PCDHGA2: variants seen among roughly 807,000 people sequenced by gnomAD.
The protein encoded by PCDHGA2 is protocadherin gamma subfamily A, 2.
Under a neutral mutation model 59.2 loss-of-function variants are expected in PCDHGA2, and 40 were observed. The observed-to-expected ratio is 0.68, with a 90% CI of 0.52 to 0.88. The LOEUF (loss-of-function observed/expected upper bound fraction) is 0.88, where lower values mean the gene tolerates loss of function less well. Among genes scored for constraint, PCDHGA2 ranks in the 40% least tolerant of loss-of-function variants. The probability of loss-of-function intolerance (pLI) is 0.00; values close to 1 mark genes in which losing one functional copy is unlikely to be tolerated. For missense variants in PCDHGA2, 1,226 were observed against 1,204.0 expected (o/e 1.02, Z -0.27); for synonymous variants, 560 against 526.0 (o/e 1.06, Z -0.89).
In PCDHGA2 at chr5:141,491,561, A is replaced by G. The variant is rs1289732955; in HGVS notation, c.2425-3246A>G. ...CCCACAGACTCGCAGAGCCACTGCT[A>G]CAGGACGTGCTTTTCACCGGCCTCG... On this transcript the variant is annotated intron_variant, in intron 1 of 3. Transcript: ENST00000394576. The surrounding 1 kb of genome is among the most constrained non-coding windows in gnomAD (Gnocchi z 6.9). The G allele has an allele frequency of 6.2e-7, 1 of 1,613,938 alleles. No homozygotes were observed. Among genetic ancestry groups the G allele is most frequent in the Non-Finnish European group, 8.5e-7 (1 of 1,180,018 alleles).
intron 1 of PCDHGA2, chr5:141,426,979 A>G (rs762085745): frequency 4.2e-5 from 19 of 456,640 alleles, no homozygotes; most frequent in Non-Finnish European, 7.5e-5. Flanking sequence ...GAGGTCACTG[A>G]TGCCAACGAT....
intron 1 of PCDHGA2, among the ~76,000 whole-genome samples, chr5:141,468,178 T>G (rs1033546956): frequency 1.3e-5 from 2 of 151,580 alleles, no homozygotes; most frequent in African/African-American, 4.8e-5. Context: ...TAGAAAAATT[T>G]GCTGGGCATG....
At position 141,485,892 on chromosome 5, in the gene PCDHGA2, C is replaced by T; in HGVS notation, c.2425-8915C>T. On this transcript the variant is annotated intron_variant, in intron 1 of 3. Coordinates refer to ENST00000394576, the MANE Select transcript of PCDHGA2 (RefSeq NM_018915.4). The surrounding 1 kb of genome is among the most constrained non-coding windows in gnomAD (Gnocchi z 5.7). ...GTGCTGGACGTAAACGACAACGCCC[C>T]AGCCTTCCAGCAATCCAGCTACAGG... is the stretch of plus-strand genomic sequence containing the variant. 6.2e-7 allele frequency: 1 copy of T among 1,614,194 alleles called. No individual in the cohort carries two copies.
chr5:141,441,865 G>T, intron 1 of PCDHGA2: 1 of 345,726 alleles, frequency 2.9e-6, no homozygotes. Context: ...GCACGCCGCG[G>T]AGCCTGGCTA....
chr5:141,460,924 A>ATATATG (rs1561985817), intron 1 of PCDHGA2, among the ~76,000 whole-genome samples: 1 of 150,496 alleles, frequency 6.6e-6, no homozygotes, highest in African/African-American at 2.4e-5. Flanking sequence ...ATATATATAT[A>ATATATG]TGTGTGTGTG....
chr5:141,486,100 C>G lies in PCDHGA2; in HGVS notation c.2425-8707C>G. Reference sequence around the variant, plus strand: ...AGCTTACTCTTTTGGGGCCCCTAGACTTTGAGAGTGAGAATTACTATGAAT... The same window carrying G: ...AGCTTACTCTTTTGGGGCCCCTAGAGTTTGAGAGTGAGAATTACTATGAAT... On this transcript the variant is annotated intron_variant, in intron 1 of 3. Transcript: ENST00000394576. This position sits in a 1 kb window ranked among gnomAD's most constrained non-coding sequence, Gnocchi z 5.0. 1 of 1,614,190 alleles carries G rather than the reference C, an allele frequency of 6.2e-7. No individual in the cohort carries two copies. The highest frequency in any genetic ancestry group is 1.1e-5 in the South Asian group (1 of 91,086).
At chr5:141,355,886 T>A (rs1760030024) in intron 1 of PCDHGA2, 2 of 1,613,424 alleles carry the variant, frequency 1.2e-6, no homozygotes, top group African/African-American at 2.7e-5. Flanking sequence ...GCCAGGATTC[T>A]CATAATACTT....
chr5:141,384,922 C>A (rs760972840), intron 1 of PCDHGA2: 1 of 1,614,018 alleles, frequency 6.2e-7, no homozygotes, highest in African/African-American at 1.3e-5. Context: ...CTTGGCCGAC[C>A]TGGGCAGCCT....
rs573580017 is a variant in PCDHGA2, at chr5:141,484,867, G to T, written c.2425-9940G>T. 33 of 282,678 alleles carry T rather than the reference G, an allele frequency of 1.2e-4. No individual in the cohort carries two copies. The South Asian group carries it at 1.6e-3, about 14-fold the overall frequency. The allele number at this position is 282,678 out of a possible 1,614,324, so 17.5% of individuals were successfully genotyped here. On this transcript the variant is annotated intron_variant, in intron 1 of 3. Transcript: ENST00000394576. ...TGGGTTTTTTGGGGGGTGGGGGAGC[G>T]TGGAGGATAGGGTGGGCTTTTTCCC...
chr5:141,395,511 T>G, intron 1 of PCDHGA2: 3 of 425,438 alleles, frequency 7.1e-6, no homozygotes, highest in Non-Finnish European at 1.3e-5. Context: ...AAGAAGTAGC[T>G]ACCCGTCCAT....
Position 141,426,411 on chromosome 5 carries a change from C to A in PCDHGA2, c.2425-68396C>A, listed in dbSNP as rs1561821998. 10 of 286,096 alleles carry A rather than the reference C, an allele frequency of 3.5e-5. No homozygotes were observed. In the South Asian group the frequency reaches 3.7e-4, roughly 11 times the overall value. The allele number at this position is 286,096 out of a possible 1,614,324, so 17.7% of individuals were successfully genotyped here. On this transcript the variant is annotated intron_variant, in intron 1 of 3. Coordinates refer to ENST00000394576, the MANE Select transcript of PCDHGA2 (RefSeq NM_018915.4). ...GCTACTCTATTCCAGAAGAAACGGT[C>A]CAGGGCTCCGTGGTGGGGAACCTTG... is the stretch of plus-strand genomic sequence containing the variant.
At chr5:141,397,224 A>T (rs2093491277) in intron 1 of PCDHGA2, among the ~76,000 whole-genome samples, 1 of 151,376 alleles carries the variant, frequency 6.6e-6, no homozygotes. Context: ...ATTTTGAGAT[A>T]TGAAGAAGAG....
intron 1 of PCDHGA2, among the ~76,000 whole-genome samples, chr5:141,437,983 A>G (rs544812394): frequency 4.6e-5 from 7 of 151,938 alleles, no homozygotes; most frequent in Admixed American, 2.6e-4. Context: ...GGATGCACCC[A>G]CCCCACCTCA....
intron 1 of PCDHGA2, chr5:141,364,687 A>C: frequency 6.2e-7 from 1 of 1,614,004 alleles, no homozygotes; most frequent in Non-Finnish European, 8.5e-7. Flanking sequence ...TTTATGGAGT[A>C]GAAGTAGAAA....
At position 141,476,789 on chromosome 5, in the gene PCDHGA2, T is replaced by C; in HGVS notation, c.2425-18018T>C. ...GTTGGACGGAGGGACCCCAGCTCTC[T>C]CCGCCAGCCTGCCTATTCACATCAA... On this transcript the variant is annotated intron_variant, in intron 1 of 3. Transcript: ENST00000394576. The surrounding 1 kb of genome is among the most constrained non-coding windows in gnomAD (Gnocchi z 7.6). 1.2e-6 allele frequency: 2 copies of C among 1,613,374 alleles called. No individual in the cohort carries two copies. The highest frequency in any genetic ancestry group is 4.5e-5 in the East Asian group (2 of 44,864).
At chr5:141,418,163 T>G in intron 1 of PCDHGA2, 1 of 1,614,002 alleles carries the variant, frequency 6.2e-7, no homozygotes, top group Non-Finnish European at 8.5e-7. Context: ...GAGAAGAAGA[T>G]GTGAGTTGCA....
chr5:141,375,513 T>C (rs1771538043), intron 1 of PCDHGA2: 2 of 1,614,038 alleles, frequency 1.2e-6, no homozygotes, highest in Non-Finnish European at 1.7e-6. Flanking sequence ...GTGAATGCAC[T>C]GGACCCTGAC....
Position 141,489,956 on chromosome 5 carries a change from C to CTCCAACCT in PCDHGA2, c.2425-4845_2425-4838dup, listed in dbSNP as rs1176419823. Reference sequence around the variant, plus strand: ...ATCGTGCTGGACATCAATGATAATGCTCCAACCTTCCAATCCTCAGTTCTA... The same window carrying CTCCAACCT: ...ATCGTGCTGGACATCAATGATAATGCTCCAACCTTCCAACCTTCCAATCCTCAGTTCTA... On this transcript the variant is annotated intron_variant, in intron 1 of 3. Coordinates refer to ENST00000394576, the MANE Select transcript of PCDHGA2 (RefSeq NM_018915.4). The surrounding 1 kb of genome is among the most constrained non-coding windows in gnomAD (Gnocchi z 4.5). 16 of 1,614,012 alleles carry CTCCAACCT rather than the reference C, an allele frequency of 9.9e-6. No individual in the cohort carries two copies. The highest frequency in any genetic ancestry group is 1.4e-5 in the Non-Finnish European group (16 of 1,179,974).
intron 1 of PCDHGA2, among the ~76,000 whole-genome samples, chr5:141,481,215 G>T (rs1238465869): frequency 6.6e-6 from 1 of 152,152 alleles, no homozygotes; most frequent in Non-Finnish European, 1.5e-5. Context: ...AACATGGTAA[G>T]GTCTCCCAGC....
Sources: allele counts gnomAD v4.1 joint callset (sites outside exome capture counted in the v4.1 genomes callset), GRCh38; gene constraint gnomAD v4.1.1; non-coding constraint Gnocchi (gnomAD v3.1); transcripts MANE v1.5; gene names NCBI Gene and HGNC (gene_info 2026-07-23, HGNC 2026-07-21).